SCFD1: variants seen among roughly 807,000 people sequenced by gnomAD.
SCFD1 encodes the protein sec1 family domain containing 1, also known as sec1 family domain-containing protein 1.
Under a neutral mutation model 103.2 loss-of-function variants are expected in SCFD1, and 37 were observed. The observed-to-expected ratio is 0.36, with a 90% CI of 0.28 to 0.47. The LOEUF (loss-of-function observed/expected upper bound fraction) is 0.47, where lower values mean the gene tolerates loss of function less well. Among genes scored for constraint, SCFD1 ranks in the 20% least tolerant of loss-of-function variants. The probability of loss-of-function intolerance (pLI) is 1.00; values close to 1 mark genes in which losing one functional copy is unlikely to be tolerated. For synonymous variants in SCFD1, 264 were observed against 245.0 expected (o/e 1.08, Z -0.73); for missense variants, 639 against 761.2 (o/e 0.84, Z 1.89).
At chr14:30,651,325 A>G (rs1158336889) in intron 9 of SCFD1, among the ~76,000 whole-genome samples, 1 of 152,178 alleles carries the variant, frequency 6.6e-6, no homozygotes, top group African/African-American at 2.4e-5. Context: ...ACTGCCCACT[A>G]GAAGTAATAA....
chr14:30,630,720 G>T (rs1884023006), intron 3 of SCFD1, 155 bp downstream of exon 3: 4 of 548,632 alleles, frequency 7.3e-6, no homozygotes, highest in Non-Finnish European at 1.3e-5. Context: ...AAAATCCTCA[G>T]TCTGAGGCTT....
chr14:30,675,439 A>T (rs1888949085), intron 14 of SCFD1: 1 of 156,122 alleles, frequency 6.4e-6, no homozygotes. Context: ...TAATAACATC[A>T]CTTTTATTTA....
rs575435610 is a variant in SCFD1, at chr14:30,709,300, CTT to C, written c.1629+1239_1629+1240del. Among the ~76,000 whole-genome samples the C allele has an allele frequency of 2.9e-4, 44 of 151,872 alleles. No homozygotes were observed. The South Asian group carries it at 5.0e-3, about 17-fold the overall frequency. On this transcript the variant is annotated intron_variant, in intron 19 of 24. Coordinates refer to ENST00000458591, the MANE Select transcript of SCFD1 (RefSeq NM_016106.4). The stretch of plus-strand genomic sequence containing the variant: ...TTGTGGTTTAATAAGTTATTTTTTT[CTT>C]TTTCTTTTTTTCTGAGACAAGGTCA...
chr14:30,702,004 T>G (rs1301150891), intron 16 of SCFD1, among the ~76,000 whole-genome samples: 1 of 152,162 alleles, frequency 6.6e-6, no homozygotes, highest in Non-Finnish European at 1.5e-5. Flanking sequence ...AGAAAAGCAG[T>G]CTATCCCAGC....
At chr14:30,657,825 A>G (rs1887054710) in intron 10 of SCFD1, among the ~76,000 whole-genome samples, 1 of 152,242 alleles carries the variant, frequency 6.6e-6, no homozygotes, top group Non-Finnish European at 1.5e-5. Context: ...TACTTTTTAT[A>G]TTAAATGTCT....
At chr14:30,653,642 C>A in intron 10 of SCFD1, 54 bp downstream of exon 10, 1 of 1,199,694 alleles carries the variant, frequency 8.3e-7, no homozygotes, top group South Asian at 1.3e-5. Context: ...TGCAGTGTTC[C>A]CTTTAATTTA....
chr14:30,690,949 C>A (rs895511621), intron 14 of SCFD1, among the ~76,000 whole-genome samples: 3 of 151,850 alleles, frequency 2.0e-5, no homozygotes, highest in Non-Finnish European at 4.4e-5. Flanking sequence ...CTCTTATTAC[C>A]CAAACTGTAT....
intron 20 of SCFD1, 54 bp from the exon 21 acceptor site, chr14:30,719,271 G>T: frequency 8.8e-7 from 1 of 1,134,896 alleles, no homozygotes; most frequent in South Asian, 1.3e-5. Flanking sequence ...AAGCCAAACT[G>T]ACCTTCTGAA....
chr14:30,661,799 G>A (rs230351), intron 10 of SCFD1, among the ~76,000 whole-genome samples: 74,867 of 151,974 alleles, frequency 0.49, 21,423 homozygotes, highest in African/African-American at 0.79. Context: ...ATTTTCTCTT[G>A]TGGAAATTAG....
At chr14:30,675,926 C>T (rs746141854) in intron 14 of SCFD1, among the ~76,000 whole-genome samples, 29 of 152,248 alleles carry the variant, frequency 1.9e-4, no homozygotes, top group Admixed American at 5.2e-4. Flanking sequence ...ATTACTATTA[C>T]GCCAACAACC....
chr14:30,705,754 T>C, intron 17 of SCFD1, 69 bp from the exon 18 acceptor site: 1 of 1,224,342 alleles, frequency 8.2e-7, no homozygotes, highest in Non-Finnish European at 1.2e-6. Flanking sequence ...TCAGTAGATA[T>C]TTTAATACCG....
chr14:30,672,527 G>T (rs145664615), intron 11 of SCFD1, among the ~76,000 whole-genome samples: 47 of 152,226 alleles, frequency 3.1e-4, no homozygotes, highest in African/African-American at 1.1e-3. Context: ...AAAGGCTTCT[G>T]GCCTCCCCCT....
intron 11 of SCFD1, among the ~76,000 whole-genome samples, chr14:30,671,708 G>C (rs1218823341): frequency 6.6e-6 from 1 of 152,112 alleles, no homozygotes; most frequent in African/African-American, 2.4e-5. Flanking sequence ...AAACCTCTCT[G>C]AGCTTCAGTT....
At chr14:30,730,030 C>G (rs1022562279) in intron 23 of SCFD1, among the ~76,000 whole-genome samples, 31 of 152,266 alleles carry the variant, frequency 2.0e-4, no homozygotes, top group African/African-American at 7.0e-4. Flanking sequence ...CACTACAGGT[C>G]CCGGTGTGTG....
At chr14:30,735,008 G>A (rs1209091153) in intron 24 of SCFD1, 150 bp downstream of exon 24, 8 of 590,626 alleles carry the variant, frequency 1.4e-5, no homozygotes, top group Non-Finnish European at 1.8e-5. Context: ...TTTCATGGAC[G>A]ACTAAGAAAA....
At chr14:30,666,444 A>G (rs1225253435) in intron 10 of SCFD1, among the ~76,000 whole-genome samples, 1 of 152,236 alleles carries the variant, frequency 6.6e-6, no homozygotes, top group Non-Finnish European at 1.5e-5. Flanking sequence ...CACAAGAGAA[A>G]GCGGGAAAGA....
At chr14:30,638,634 A>T (rs958378592) in intron 5 of SCFD1, among the ~76,000 whole-genome samples, 1 of 151,864 alleles carries the variant, frequency 6.6e-6, no homozygotes, top group Non-Finnish European at 1.5e-5. Context: ...ATTTCCAGAT[A>T]TTTTTTTTAC....
intron 23 of SCFD1, among the ~76,000 whole-genome samples, chr14:30,731,493 GT>G (rs1345707541): frequency 6.6e-6 from 1 of 152,194 alleles, no homozygotes; most frequent in African/African-American, 2.4e-5. Flanking sequence ...GGCATGGAAT[GT>G]TCTTCCATTT....
intron 19 of SCFD1, 130 bp from the exon 20 acceptor site, chr14:30,715,792 TCA>T (rs35385986): frequency 0.014 from 7,649 of 565,072 alleles, 514 homozygotes; most frequent in African/African-American, 0.13. Context: ...CCTTTACCAT[TCA>T]CAGACTACTT....
Sources: allele counts gnomAD v4.1 joint callset (sites outside exome capture counted in the v4.1 genomes callset), GRCh38; gene constraint gnomAD v4.1.1; transcripts MANE v1.5; gene names NCBI Gene and HGNC (gene_info 2026-07-23, HGNC 2026-07-21).